PBX1: variants seen among roughly 807,000 people sequenced by gnomAD.
PBX1 encodes the protein pre-B-cell leukemia transcription factor 1.
In PBX1, 6 loss-of-function variants were observed where a neutral mutation model predicts 53.4. The observed-to-expected ratio is 0.11, with a 90% CI of 0.06 to 0.22. The LOEUF (loss-of-function observed/expected upper bound fraction) is 0.22. Ranked by LOEUF, PBX1 falls within the 10% of genes least tolerant of loss-of-function variation. The probability of loss-of-function intolerance (pLI) is 1.00; values close to 1 mark genes in which losing one functional copy is unlikely to be tolerated. For missense variants in PBX1, 251 were observed against 551.4 expected (o/e 0.46, Z 5.46); for synonymous variants, 204 against 212.3 (o/e 0.96, Z 0.34).
chr1:164,777,294 G>T (rs947754698), intron 2 of PBX1, among the ~76,000 whole-genome samples: 1 of 152,114 alleles, frequency 6.6e-6, no homozygotes, highest in Admixed American at 6.5e-5. Flanking sequence ...ATGGTGGCAC[G>T]CACCTGTAGT....
At chr1:164,785,185 G>A (rs930771768) in intron 2 of PBX1, among the ~76,000 whole-genome samples, 3 of 152,288 alleles carry the variant, frequency 2.0e-5, no homozygotes, top group South Asian at 2.1e-4. Context: ...AATCAGAAGC[G>A]CTGACTGACA....
At chr1:164,677,249 C>T (rs1198938577) in intron 2 of PBX1, among the ~76,000 whole-genome samples, 3 of 151,652 alleles carry the variant, frequency 2.0e-5, no homozygotes, top group Middle Eastern at 3.4e-3. Context: ...CCCGCCACCG[C>T]GCCCGGCTAA....
At chr1:164,856,904 A>T (rs1671990010) in intron 2 of PBX1, among the ~76,000 whole-genome samples, 1 of 152,126 alleles carries the variant, frequency 6.6e-6, no homozygotes, top group East Asian at 1.9e-4. Context: ...ATTGAGGAAC[A>T]CATTGGTTGC....
rs888099078 is a variant in PBX1, at chr1:164,857,973, G to A, written n.257+26490G>A. 2.6e-5 allele frequency among the ~76,000 whole-genome samples: 4 copies of A among 151,980 alleles called. No homozygotes were observed. In the South Asian group the frequency reaches 8.3e-4, roughly 32 times the overall value. ...GTGATTTCTCTAACATATCTCTCTGGGTGCATCTTCAAGCCTGAACTAAGA... is the reference window on the plus strand; with the variant it reads ...GTGATTTCTCTAACATATCTCTCTGAGTGCATCTTCAAGCCTGAACTAAGA... On this transcript the variant is annotated intron_variant and non_coding_transcript_variant, in intron 2 of 2. Coordinates refer to the PBX1 transcript ENST00000558796.
chr1:164,871,781 G>A (rs142982121), intron 2 of PBX1, among the ~76,000 whole-genome samples: 45 of 152,170 alleles, frequency 3.0e-4, no homozygotes, highest in Non-Finnish European at 5.6e-4. Flanking sequence ...CCCAAACCTC[G>A]GAGTTGGAAG....
At chr1:164,758,669 T>A (rs1666650252) in intron 2 of PBX1, among the ~76,000 whole-genome samples, 1 of 151,964 alleles carries the variant, frequency 6.6e-6, no homozygotes, top group Non-Finnish European at 1.5e-5. Context: ...AAAAGTATAC[T>A]TGGCCCCTTC....
chr1:164,737,213 C>T (rs1483171013), intron 2 of PBX1, among the ~76,000 whole-genome samples: 5 of 152,202 alleles, frequency 3.3e-5, no homozygotes, highest in Admixed American at 6.5e-5. Flanking sequence ...TTTAGTTCTT[C>T]GAATGGTCAT....
intron 2 of PBX1, among the ~76,000 whole-genome samples, chr1:164,785,324 T>G (rs530974778): frequency 1.3e-5 from 2 of 152,192 alleles, no homozygotes; most frequent in Non-Finnish European, 2.9e-5. Context: ...AGATTGAGAA[T>G]AAGGAGTGAA....
chr1:164,872,149 C>A (rs560769668), intron 2 of PBX1, among the ~76,000 whole-genome samples: 3 of 152,276 alleles, frequency 2.0e-5, no homozygotes, highest in African/African-American at 7.2e-5. Flanking sequence ...TTGTGGGGCA[C>A]TTCGGCTACA....
At chr1:164,690,772 A>G (rs1662424799) in intron 2 of PBX1, among the ~76,000 whole-genome samples, 1 of 152,100 alleles carries the variant, frequency 6.6e-6, no homozygotes, top group African/African-American at 2.4e-5. Context: ...ATCATATCAC[A>G]CCAATATTCA....
At chr1:164,653,818 G>A (rs1177131815) in intron 2 of PBX1, among the ~76,000 whole-genome samples, 1 of 152,026 alleles carries the variant, frequency 6.6e-6, no homozygotes, top group Non-Finnish European at 1.5e-5. Context: ...CTCAAACCTG[G>A]GCCCACAAAC....
At chr1:164,716,053 C>T (rs543492491) in intron 2 of PBX1, among the ~76,000 whole-genome samples, 1 of 152,174 alleles carries the variant, frequency 6.6e-6, no homozygotes, top group Non-Finnish European at 1.5e-5. Flanking sequence ...ATCTAACTTG[C>T]TTTTCAGAAG....
chr1:164,802,831 A>G (rs1042827944), intron 4 of PBX1, among the ~76,000 whole-genome samples: 1 of 152,172 alleles, frequency 6.6e-6, no homozygotes, highest in Non-Finnish European at 1.5e-5. Context: ...GCATTGTGCC[A>G]TACAACTTGG....
chr1:164,642,530 C>G (rs1037131224), intron 2 of PBX1, among the ~76,000 whole-genome samples: 3 of 152,128 alleles, frequency 2.0e-5, no homozygotes, highest in African/African-American at 7.2e-5. Flanking sequence ...TCCTAAGGTC[C>G]TGAGGCCTAG....
intron 2 of PBX1, among the ~76,000 whole-genome samples, chr1:164,606,382 C>G (rs1300320582): frequency 1.3e-5 from 2 of 152,096 alleles, no homozygotes; most frequent in East Asian, 3.9e-4. Flanking sequence ...CCCAGCTCCT[C>G]AGGAGGCTGA....
chr1:164,810,715 G>T (rs1669565939), intron 5 of PBX1, among the ~76,000 whole-genome samples: 1 of 152,140 alleles, frequency 6.6e-6, no homozygotes, highest in Non-Finnish European at 1.5e-5. Flanking sequence ...AACTAGATAT[G>T]CAGTGATCCT....
intron 1 of PBX1, among the ~76,000 whole-genome samples, chr1:164,562,613 G>A (rs148569149): frequency 1.3e-5 from 2 of 152,290 alleles, no homozygotes; most frequent in African/African-American, 4.8e-5. Flanking sequence ...GTGCACAGAA[G>A]CATAATGTGA....
chr1:164,732,254 G>A (rs1237348022), intron 2 of PBX1, among the ~76,000 whole-genome samples: 1 of 152,020 alleles, frequency 6.6e-6, no homozygotes, highest in South Asian at 2.1e-4. Flanking sequence ...TTGAAGTAAG[G>A]AATTGATAAA....
intron 2 of PBX1, among the ~76,000 whole-genome samples, chr1:164,656,592 A>G (rs772869617): frequency 1.3e-5 from 2 of 152,168 alleles, no homozygotes; most frequent in Non-Finnish European, 2.9e-5. Context: ...AAATTTGGCT[A>G]ACACATGGTG....
Sources: gnomAD v4.1 joint callset for allele counts (sites outside exome capture counted in the v4.1 genomes callset) on GRCh38, gnomAD v4.1.1 for gene constraint, MANE v1.5 for transcripts, NCBI Gene and HGNC (gene_info 2026-07-23, HGNC 2026-07-21) for gene names.